The following CSMD1 variants were observed in gnomAD, a reference collection of about 807,000 sequenced individuals.
CSMD1 encodes CUB and Sushi multiple domains 1.
Under a neutral mutation model 417.5 loss-of-function variants are expected in CSMD1, and 213 were observed. The ratio of observed to expected loss-of-function variants is 0.51; its 90% CI spans 0.46 to 0.57. The LOEUF (loss-of-function observed/expected upper bound fraction) is 0.57. CSMD1 is among the 20% of genes least tolerant of loss of function. CSMD1 has a pLI of 0.00. For synonymous variants in CSMD1, 2,862 were observed against 1,736.8 expected (o/e 1.65, Z -16.11); for missense variants, 6,923 against 4,529.7 (o/e 1.53, Z -15.17).
rs147649614 is a variant in CSMD1, at chr8:4,361,169, T to A, written c.415+58784A>T. Among the ~76,000 whole-genome samples the A allele has an allele frequency of 7.4e-3, 1,132 of 152,298 alleles. 13 individuals are homozygous for A. Among genetic ancestry groups the A allele is most frequent in the African/African-American group, 0.026 (1,081 of 41,572 alleles). On this transcript the variant is annotated intron_variant, in intron 3 of 69. Transcript: ENST00000635120. ...TTATCATTTGTAGAATGGGCTAAAT[T>A]AGACTTATTAAGCTGTGAGGCTTAA...
intron 1 of CSMD1, among the ~76,000 whole-genome samples, chr8:4,826,857 C>A (rs576866457): frequency 1.3e-5 from 2 of 152,132 alleles, no homozygotes; most frequent in African/African-American, 4.8e-5. Context: ...TGCCAGCTGA[C>A]GGATAAGAAA....
At chr8:3,164,733 A>C (rs1820105833) in intron 37 of CSMD1, among the ~76,000 whole-genome samples, 1 of 152,232 alleles carries the variant, frequency 6.6e-6, no homozygotes, top group African/African-American at 2.4e-5. Flanking sequence ...CAGGTGACAC[A>C]GAACGAAGAA....
At chr8:4,955,737 T>C (rs191128645) in intron 1 of CSMD1, among the ~76,000 whole-genome samples, 2,266 of 144,934 alleles carry the variant, frequency 0.016, 60 homozygotes, top group African/African-American at 0.054. Context: ...ATTACAGGCG[T>C]GAGCCACCAC....
At chr8:3,989,735 C>A (rs1446928182) in intron 5 of CSMD1, among the ~76,000 whole-genome samples, 1 of 152,130 alleles carries the variant, frequency 6.6e-6, no homozygotes, top group African/African-American at 2.4e-5. Flanking sequence ...TTACTAAAGT[C>A]ATAGGTGGGA....
At chr8:3,591,568 G>A (rs911704496) in intron 8 of CSMD1, among the ~76,000 whole-genome samples, 3 of 152,196 alleles carry the variant, frequency 2.0e-5, no homozygotes, top group African/African-American at 7.2e-5. Flanking sequence ...GCTGTCCGCT[G>A]TTTACCAGAG....
intron 3 of CSMD1, among the ~76,000 whole-genome samples, chr8:4,276,556 C>T (rs1460830026): frequency 3.9e-5 from 6 of 151,976 alleles, no homozygotes; most frequent in Admixed American, 1.3e-4. Flanking sequence ...CAAACCTGCA[C>T]GTTCTGCACA....
At chr8:4,884,693 T>G (rs1183677760) in intron 1 of CSMD1, among the ~76,000 whole-genome samples, 1 of 152,098 alleles carries the variant, frequency 6.6e-6, no homozygotes, top group Non-Finnish European at 1.5e-5. Flanking sequence ...AATAAGGGTT[T>G]ATTTTTGGAC....
chr8:3,328,798 T>G (rs919444021), intron 23 of CSMD1, among the ~76,000 whole-genome samples: 2 of 152,276 alleles, frequency 1.3e-5, no homozygotes, highest in Non-Finnish European at 2.9e-5. Flanking sequence ...AAATAAATTT[T>G]AAATTAAATT....
In CSMD1 at chr8:4,439,224, C is replaced by A. The variant is rs76603000; in HGVS notation, c.303-19159G>T. ...TTGCAAATTTCATTTATTTGAAATA[C>A]TTTATATGAAATATATTGCTTCTAT... On this transcript the variant is annotated intron_variant, in intron 2 of 69. Coordinates refer to ENST00000635120, the MANE Select transcript of CSMD1 (RefSeq NM_033225.6). Among the ~76,000 whole-genome samples, 1,452 of 152,158 alleles carry A rather than the reference C, an allele frequency of 9.5e-3. 11 individuals carry two copies. Among genetic ancestry groups the A allele is most frequent in the Non-Finnish European group, 0.015 (1,019 of 67,976 alleles).
chr8:3,563,572 A>G (rs1799566870), intron 10 of CSMD1, among the ~76,000 whole-genome samples: 2 of 150,414 alleles, frequency 1.3e-5, no homozygotes, highest in Non-Finnish European at 3.0e-5. Flanking sequence ...TCACAAAAAA[A>G]CAAAACAAAA....
chr8:4,384,750 A>C (rs1803335260), intron 3 of CSMD1, among the ~76,000 whole-genome samples: 1 of 152,200 alleles, frequency 6.6e-6, no homozygotes, highest in East Asian at 1.9e-4. Flanking sequence ...GTGCCACTTC[A>C]CATCAGCAAT....
chr8:3,984,749 A>ATATTTGTATG (rs1814188404), intron 5 of CSMD1, among the ~76,000 whole-genome samples: 1 of 67,416 alleles, frequency 1.5e-5, no homozygotes, highest in African/African-American at 5.7e-5. Context: ...ATATATATAT[A>ATATTTGTATG]TATTTGTATG....
At chr8:4,211,291 G>A (rs1194659376) in intron 3 of CSMD1, among the ~76,000 whole-genome samples, 1 of 151,522 alleles carries the variant, frequency 6.6e-6, no homozygotes, top group Non-Finnish European at 1.5e-5. Flanking sequence ...CCTTTTCTTT[G>A]GTTCTTTTCT....
chr8:4,312,908 A>T (rs1410610020), intron 3 of CSMD1, among the ~76,000 whole-genome samples: 1 of 152,160 alleles, frequency 6.6e-6, no homozygotes. Flanking sequence ...CGTGGCAAAA[A>T]CAATAACACT....
intron 2 of CSMD1, among the ~76,000 whole-genome samples, chr8:4,612,659 T>G (rs960615064): frequency 1.3e-5 from 2 of 152,292 alleles, no homozygotes; most frequent in Middle Eastern, 3.4e-3. Flanking sequence ...CTTCTCCATC[T>G]ACTCAACTGC....
At chr8:4,197,430 A>T (rs1799402891) in intron 3 of CSMD1, among the ~76,000 whole-genome samples, 1 of 152,168 alleles carries the variant, frequency 6.6e-6, no homozygotes, top group South Asian at 2.1e-4. Flanking sequence ...AGTAAAGCAG[A>T]TTTCCTTCTG....
intron 2 of CSMD1, among the ~76,000 whole-genome samples, chr8:4,447,573 C>A (rs1252244841): frequency 6.6e-6 from 1 of 152,180 alleles, no homozygotes; most frequent in East Asian, 1.9e-4. Flanking sequence ...AATACCAATG[C>A]TCTGTCAACA....
chr8:4,304,509 G>C (rs13277448), intron 3 of CSMD1, among the ~76,000 whole-genome samples: 152,106 of 152,288 alleles, frequency 1, 75,962 homozygotes, highest in Middle Eastern at 1. Context: ...AAGCCTTACT[G>C]TTTCAGTGTC....
At chr8:4,460,679 A>ACGGTCTTCTTCT (rs879593478) in intron 2 of CSMD1, among the ~76,000 whole-genome samples, 4 of 152,118 alleles carry the variant, frequency 2.6e-5, no homozygotes, top group African/African-American at 9.7e-5. Context: ...AGAGAATTTT[A>ACGGTCTTCTTCT]TAAACATCTG....
Sources: gnomAD v4.1 joint callset for allele counts (sites outside exome capture counted in the v4.1 genomes callset) on GRCh38, gnomAD v4.1.1 for gene constraint, MANE v1.5 for transcripts, NCBI Gene and HGNC (gene_info 2026-07-23, HGNC 2026-07-21) for gene names.